FNTA: variants seen among roughly 807,000 people sequenced by gnomAD.
The protein encoded by FNTA is protein farnesyltransferase/geranylgeranyltransferase type-1 subunit alpha.
FNTA carries 27 observed loss-of-function variants against 55.2 expected under a neutral mutation model. That is an observed-to-expected ratio of 0.49 (90% CI 0.36 to 0.67). The LOEUF is 0.67. FNTA is among the 30% of genes least tolerant of loss of function. FNTA has a pLI of 0.00. For missense variants in FNTA, 422 were observed against 464.7 expected, an observed-to-expected ratio of 0.91 and a Z score of 0.85; for synonymous variants, 176 against 170.7, an observed-to-expected ratio of 1.03 and a Z score of -0.24.
intron 3 of FNTA, among the ~76,000 whole-genome samples, chr8:43,065,123 C>T (rs1252824553): frequency 2.0e-5 from 3 of 151,686 alleles, no homozygotes; most frequent in East Asian, 1.9e-4. Context: ...CGTGAACCAC[C>T]GTGCCTGGCT....
chr8:43,067,213 G>A (rs1355041678), intron 3 of FNTA, among the ~76,000 whole-genome samples: 2 of 152,098 alleles, frequency 1.3e-5, no homozygotes, highest in African/African-American at 2.4e-5. Flanking sequence ...GGTCTTGGCC[G>A]CCAAGGACTC....
chr8:43,085,365 C>T lies in FNTA; in HGVS notation c.*83C>T, dbSNP rs111906132. On this transcript the variant is annotated 3_prime_UTR_variant, in exon 9 of 9. Coordinates refer to ENST00000302279, the MANE Select transcript of FNTA (RefSeq NM_002027.3). ...AGTTTCACACGAGAGTGGTCCTTCCCTTTGCCTGTGGTGTAAAAGTGCATC... is the reference window on the plus strand; with the variant it reads ...AGTTTCACACGAGAGTGGTCCTTCCTTTTGCCTGTGGTGTAAAAGTGCATC... The T allele has an allele frequency of 9.8e-4, 1,319 of 1,342,744 alleles. 13 individuals are homozygous for T. The highest frequency in any genetic ancestry group is 9.5e-3 in the South Asian group (742 of 77,860). The allele number at this position is 1,342,744 out of a possible 1,614,324, so 83.2% of individuals were successfully genotyped here.
At position 43,062,380 on chromosome 8, in the gene FNTA, C is replaced by G. The variant is rs1460667792; in HGVS notation, c.287-1721C>G. On this transcript the variant is annotated intron_variant, in intron 2 of 8. Transcript: ENST00000302279. ...CACTGCAACCTCTGTCTCCCAGGTTCAAGCGATTCTCGTGCCTCAGCCTTC... is the reference window on the plus strand; with the variant it reads ...CACTGCAACCTCTGTCTCCCAGGTTGAAGCGATTCTCGTGCCTCAGCCTTC... Among the ~76,000 whole-genome samples, 2 of 151,908 alleles carry G rather than the reference C, an allele frequency of 1.3e-5. 1 individual carries two copies. The highest frequency in any genetic ancestry group is 2.9e-5 in the Non-Finnish European group (2 of 67,990).
chr8:43,083,208 A>G (rs1190525352), intron 7 of FNTA, 28 bp downstream of exon 7: 24 of 1,430,210 alleles, frequency 1.7e-5, no homozygotes, highest in Non-Finnish European at 2.3e-5. Context: ...CTTTTTTTAT[A>G]TATAAAAAAG....
chr8:43,066,588 G>GTGTGTA (rs1810665615), intron 3 of FNTA, among the ~76,000 whole-genome samples: 1 of 3,250 alleles, frequency 3.1e-4, no homozygotes, highest in Non-Finnish European at 6.6e-3. Flanking sequence ...AGCATCGTTC[G>GTGTGTA]TGTGTGTGTG....
intron 1 of FNTA, 112 bp downstream of exon 1, chr8:43,056,658 G>A (rs2130535673): frequency 1.6e-6 from 1 of 623,624 alleles, no homozygotes; most frequent in Non-Finnish European, 2.3e-6. Flanking sequence ...TTCCCGTGGC[G>A]CCGCGTGGGC....
chr8:43,062,534 G>A (rs1346198275), intron 2 of FNTA, among the ~76,000 whole-genome samples: 4 of 151,876 alleles, frequency 2.6e-5, no homozygotes, highest in African/African-American at 4.8e-5. Context: ...CTCCCACCTC[G>A]GCCTCCCAAG....
intron 3 of FNTA, among the ~76,000 whole-genome samples, chr8:43,069,038 C>A (rs1810725637): frequency 1.3e-5 from 2 of 151,896 alleles, no homozygotes; most frequent in Non-Finnish European, 2.9e-5. Context: ...ACTAAAAGTG[C>A]TTCATTTCTT....
intron 4 of FNTA, among the ~76,000 whole-genome samples, chr8:43,069,928 G>A (rs1032606366): frequency 1.3e-5 from 2 of 152,152 alleles, no homozygotes; most frequent in East Asian, 3.9e-4. Context: ...ACAGGTATGA[G>A]CCATTGCGCC....
chr8:43,057,736 T>A (rs369030880), intron 1 of FNTA, among the ~76,000 whole-genome samples: 3 of 152,216 alleles, frequency 2.0e-5, no homozygotes, highest in South Asian at 2.1e-4. Flanking sequence ...GGCGGGCGGA[T>A]CACCTGAGGT....
rs745664729 is a variant in FNTA at position 43,064,175 on chromosome 8, C to T, written c.361C>T (p.Arg121Trp). The T allele has an allele frequency of 1.1e-5, 18 of 1,613,642 alleles. No individual in the cohort carries two copies. Among genetic ancestry groups the T allele is most frequent in the Admixed American group, 5.0e-5 (3 of 59,996 alleles). The change falls in exon 3 of 9, where the codon CGG (arginine) becomes TGG (tryptophan). Residue 121 changes from arginine to tryptophan, a missense_variant. Transcript: ENST00000302279. ...ERSERAFKLT[R>W]DAIELNAANY... ...AAGTGAACGAGCTTTTAAGCTAACC[C>T]GGGATGCTATTGAGTTAAATGCAGC... is the stretch of plus-strand genomic sequence containing the variant.
chr8:43,072,314 C>A lies in FNTA; in HGVS notation c.633+7C>A. 1 of 1,553,778 alleles carries A rather than the reference C, an allele frequency of 6.4e-7. No homozygotes were observed. The highest frequency in any genetic ancestry group is 8.7e-7 in the Non-Finnish European group (1 of 1,151,060). On this transcript the variant is annotated splice_region_variant and intron_variant, in intron 5 of 8. Transcript: ENST00000302279. Reference sequence around the variant, plus strand: ...TCGACAATGGGTTATTCAGGTATTGCCTTTCTTGTACAGTGTTTTTCAGAT... The same window carrying A: ...TCGACAATGGGTTATTCAGGTATTGACTTTCTTGTACAGTGTTTTTCAGAT...
chr8:43,059,517 G>A (rs528133651), intron 2 of FNTA, among the ~76,000 whole-genome samples: 1 of 152,256 alleles, frequency 6.6e-6, no homozygotes, highest in African/African-American at 2.4e-5. Context: ...ACTGTTTTTA[G>A]AATAAACTTT....
At chr8:43,075,704 T>C (rs917093496) in intron 5 of FNTA, among the ~76,000 whole-genome samples, 2 of 152,138 alleles carry the variant, frequency 1.3e-5, no homozygotes, top group Non-Finnish European at 2.9e-5. Flanking sequence ...TAGTCCCAGC[T>C]ACTTGAGGAG....
chr8:43,084,503 C>G, intron 7 of FNTA: 1 of 430,786 alleles, frequency 2.3e-6, no homozygotes, highest in East Asian at 4.4e-5. Context: ...CAGGCATGAG[C>G]CACTGCACCT....
intron 4 of FNTA, among the ~76,000 whole-genome samples, chr8:43,071,659 A>G (rs1810792642): frequency 6.7e-6 from 1 of 148,506 alleles, no homozygotes; most frequent in South Asian, 2.1e-4. Context: ...GGGACAATGC[A>G]CTCCAGCCTG....
At chr8:43,080,845 A>G (rs1811012366) in intron 6 of FNTA, 2 of 152,236 alleles carry the variant, frequency 1.3e-5, no homozygotes, top group African/African-American at 4.8e-5. Context: ...AAGCATTTTA[A>G]AAATTGAATA....
intron 1 of FNTA, 158 bp from the exon 2 acceptor site, chr8:43,058,934 G>T: frequency 4.0e-6 from 2 of 498,710 alleles, no homozygotes; most frequent in South Asian, 7.8e-5. Flanking sequence ...AAACATATTG[G>T]CAAAACTTGG....
At chr8:43,077,729 G>A (rs748437162) in intron 6 of FNTA, 43 of 157,784 alleles carry the variant, frequency 2.7e-4, no homozygotes, top group Admixed American at 1.9e-4. Context: ...TGTTGTAGGT[G>A]GCTATCCTGT....
Sources: allele counts gnomAD v4.1 joint callset (sites outside exome capture counted in the v4.1 genomes callset), GRCh38; gene constraint gnomAD v4.1.1; transcripts MANE v1.5; gene names NCBI Gene and HGNC (gene_info 2026-07-23, HGNC 2026-07-21).